CYP26A1: variants seen among roughly 807,000 people sequenced by gnomAD.
CYP26A1 encodes the protein cytochrome P450 26A1.
In CYP26A1, 46 loss-of-function variants were observed where a neutral mutation model predicts 47.4. That is an observed-to-expected ratio of 0.97 (90% confidence interval 0.77 to 1.24). The LOEUF (loss-of-function observed/expected upper bound fraction) is 1.24, where lower values mean the gene tolerates loss of function less well. CYP26A1 is among the 50% of genes most tolerant of loss of function. CYP26A1 has a pLI of 0.00. For synonymous variants in CYP26A1, 277 were observed against 263.7 expected (o/e 1.05, Z -0.49); for missense variants, 680 against 644.4 (o/e 1.06, Z -0.60).
At position 93,076,638 on chromosome 10, in the gene CYP26A1, G is replaced by A. The variant is rs771199176; in HGVS notation, c.1094G>A (p.Arg365Gln). ...YIGCVIKETL[R>Q]LNPPVPGGFR... ...GGGTGTGTTATTAAGGAGACCCTTC[G>A]ACTGAATCCCCCAGTTCCAGGAGGG... Residue 365 changes from arginine to glutamine, a missense_variant, in exon 6 of 7, where the codon CGA becomes CAA. Coordinates refer to ENST00000224356, the MANE Select transcript of CYP26A1 (RefSeq NM_000783.4). 1.6e-5 allele frequency: 25 copies of A among 1,610,600 alleles called. No homozygotes were observed. Among genetic ancestry groups the A allele is most frequent in the South Asian group, 3.3e-5 (3 of 90,922 alleles).
rs776849925 is a variant in CYP26A1 at position 93,075,979 on chromosome 10, G to A, written c.999+19G>A. The A allele has an allele frequency of 1.0e-4, 164 of 1,605,518 alleles. No homozygotes were observed. Among genetic ancestry groups the A allele is most frequent in the Non-Finnish European group, 1.4e-4 (161 of 1,172,626 alleles). The stretch of plus-strand genomic sequence containing the variant: ...GAGTAAGGTAGGGAGACTGGGTCTG[G>A]GGGTGTCCTTATTAGCTTAGGAAAT... On this transcript the variant is annotated intron_variant, in intron 5 of 6. Coordinates refer to ENST00000224356, the MANE Select transcript of CYP26A1 (RefSeq NM_000783.4).
In CYP26A1 at chr10:93,075,077, C is replaced by G; in HGVS notation, c.705+8C>G. Reference sequence around the variant, plus strand: ...TTCAGCGGGCTGTACCGGGTAAGGGCGGCAAACGGGCTGCGGACTAGGGGC... The same window carrying G: ...TTCAGCGGGCTGTACCGGGTAAGGGGGGCAAACGGGCTGCGGACTAGGGGC... On this transcript the variant is annotated splice_region_variant and intron_variant, in intron 3 of 6. Coordinates refer to ENST00000224356, the MANE Select transcript of CYP26A1 (RefSeq NM_000783.4). The G allele has an allele frequency of 1.2e-6, 2 of 1,611,250 alleles. No individual in the cohort carries two copies. Among genetic ancestry groups the G allele is most frequent in the Non-Finnish European group, 1.7e-6 (2 of 1,178,658 alleles).
At chr10:93,076,025 T>C in intron 5 of CYP26A1, 65 bp downstream of exon 5, 1 of 1,325,116 alleles carries the variant, frequency 7.5e-7, no homozygotes, top group Non-Finnish European at 1.1e-6. Context: ...CCTAGCCAAC[T>C]TCCGAATAAG....
rs1347064975 is a variant in CYP26A1 at position 93,077,601 on chromosome 10, T to C, written c.*297T>C. ...AATGCCTACCTGGACTTATTTGTCATCTTTGCATCTGTTTTCTGTGAGAAG... is the reference window on the plus strand; with the variant it reads ...AATGCCTACCTGGACTTATTTGTCACCTTTGCATCTGTTTTCTGTGAGAAG... On this transcript the variant is annotated 3_prime_UTR_variant, in exon 7 of 7. Transcript: ENST00000224356. 1.0e-5 allele frequency: 2 copies of C among 192,214 alleles called. No individual in the cohort carries two copies. Among genetic ancestry groups the C allele is most frequent in the African/African-American group, 4.6e-5 (2 of 43,124 alleles). 11.9% of individuals were successfully genotyped at this position (192,214 alleles called of 1,614,324 possible).
intron 4 of CYP26A1, 192 bp downstream of exon 4, chr10:93,075,499 G>C: frequency 1.6e-6 from 1 of 622,058 alleles, no homozygotes. Context: ...GGGCTGCGGC[G>C]GAACTGGGAG....
Position 93,074,578 on chromosome 10 carries a change from A to G in CYP26A1, c.414+46A>G. On this transcript the variant is annotated intron_variant, in intron 2 of 6. Coordinates refer to ENST00000224356, the MANE Select transcript of CYP26A1 (RefSeq NM_000783.4). The surrounding 1 kb of genome is among the most constrained non-coding windows in gnomAD (Gnocchi z 5.3). ...CTGGACAGGGAGGGGGACCCCATTT[A>G]TGAGCGGAATTCCGGCTGATGGATG... 7.8e-7 allele frequency: 1 copy of G among 1,281,280 alleles called. No homozygotes were observed. The highest frequency in any genetic ancestry group is 1.1e-6 in the Non-Finnish European group (1 of 878,376). The allele number at this position is 1,281,280 out of a possible 1,614,324, so 79.4% of individuals were successfully genotyped here. A position where few individuals can be genotyped will look rare whatever the true frequency, so the allele number is the denominator to read the frequency against.
chr10:93,074,361 G>A lies in CYP26A1; in HGVS notation c.243G>A (p.Thr81=). The change falls in exon 2 of 7, where the codon ACG becomes ACA. Residue 81 remains threonine, a synonymous_variant. Coordinates refer to ENST00000224356, the MANE Select transcript of CYP26A1 (RefSeq NM_000783.4). This position sits in a 1 kb window ranked among gnomAD's most constrained non-coding sequence, Gnocchi z 5.3. ...KRRKYGFIYK[T]HLFGRPTVRV... is the part of the protein sequence containing the mutation. ...GGAAATACGGCTTCATCTACAAGAC[G>A]CATCTGTTCGGGCGGCCCACCGTAC... The A allele has an allele frequency of 6.2e-7, 1 of 1,611,790 alleles. No individual in the cohort carries two copies. Among genetic ancestry groups the A allele is most frequent in the Non-Finnish European group, 8.5e-7 (1 of 1,178,674 alleles).
intron 4 of CYP26A1, 59 bp downstream of exon 4, chr10:93,075,366 T>A: frequency 6.5e-7 from 1 of 1,545,770 alleles, no homozygotes; most frequent in Non-Finnish European, 8.8e-7. Context: ...TTCCAAGCGC[T>A]GTTCCTGGGG....
chr10:93,075,340 GT>G (rs753027538), intron 4 of CYP26A1, 33 bp downstream of exon 4: 1 of 1,599,188 alleles, frequency 6.3e-7, no homozygotes, highest in South Asian at 1.1e-5. Flanking sequence ...GCACTGCGGA[GT>G]TTGGTCCCCT....
At chr10:93,075,378 C>G (rs1846965340) in intron 4 of CYP26A1, 71 bp downstream of exon 4, 3 of 1,459,704 alleles carry the variant, frequency 2.1e-6, no homozygotes, top group Admixed American at 3.8e-5. Flanking sequence ...TTCCTGGGGC[C>G]CCCAAAGCGC....
intron 4 of CYP26A1, 92 bp downstream of exon 4, chr10:93,075,399 C>T: frequency 1.6e-6 from 2 of 1,248,126 alleles, no homozygotes; most frequent in African/African-American, 1.5e-5. Flanking sequence ...GCGCCTGGGG[C>T]CCAGCTTTCT....
chr10:93,077,063 G>T lies in CYP26A1; in HGVS notation c.1253G>T (p.Arg418Leu). 3.1e-6 allele frequency: 5 copies of T among 1,613,480 alleles called. No individual in the cohort carries two copies. Among genetic ancestry groups the T allele is most frequent in the Non-Finnish European group, 4.2e-6 (5 of 1,179,384 alleles). ...FTNKEEFNPD[R>L]FMLPHPEDAS... The stretch of plus-strand genomic sequence containing the variant: ...AACAAGGAAGAATTTAATCCTGACC[G>T]ATTCATGCTGCCTCACCCAGAGGAT... The change falls in exon 7 of 7, where the codon CGA (arginine) becomes CTA (leucine). Residue 418 changes from arginine (R) to leucine (L), a missense_variant. Transcript: ENST00000224356.
chr10:93,073,663 C>T, upstream of CYP26A1: 1 of 503,270 alleles, frequency 2.0e-6, no homozygotes, highest in Non-Finnish European at 3.5e-6. Context: ...GCGGGCAGCT[C>T]CTAGCCCCGC....
chr10:93,075,700 A>G (rs925310873), intron 4 of CYP26A1, 126 bp from the exon 5 acceptor site: 1 of 714,740 alleles, frequency 1.4e-6, no homozygotes. Flanking sequence ...GCTTTCCTTG[A>G]CTTTCTGTCA....
Position 93,075,010 on chromosome 10 carries a change from G to A in CYP26A1, c.646G>A (p.Glu216Lys), listed in dbSNP as rs1846956080. ...GCAGCAGCTTGTGGAGGCCTTCGAGGAAATGACCCGCAATCTCTTCTCGCT... is the reference window on the plus strand; with the variant it reads ...GCAGCAGCTTGTGGAGGCCTTCGAGAAAATGACCCGCAATCTCTTCTCGCT... ...SEQQLVEAFE[E>K]MTRNLFSLPI... The change falls in exon 3 of 7, where the codon GAA (glutamate) becomes AAA (lysine). Residue 216 changes from glutamate to lysine, a missense_variant. Physicochemically the swap from Glu to Lys is moderately conservative, Grantham distance 56. Transcript: ENST00000224356. The A allele has an allele frequency of 6.2e-7, 1 of 1,613,092 alleles. No individual in the cohort carries two copies. The highest frequency in any genetic ancestry group is 1.3e-5 in the African/African-American group (1 of 75,062).
Position 93,075,100 on chromosome 10 carries a change from G to C in CYP26A1, c.705+31G>C, listed in dbSNP as rs752239501. 8 of 1,611,050 alleles carry C rather than the reference G, an allele frequency of 5.0e-6. No individual in the cohort carries two copies. The African/African-American group carries it at 6.7e-5, about 13-fold the overall frequency. On this transcript the variant is annotated intron_variant, in intron 3 of 6. Coordinates refer to ENST00000224356, the MANE Select transcript of CYP26A1 (RefSeq NM_000783.4). ...GGCGGCAAACGGGCTGCGGACTAGG[G>C]GCGCGGGACCTGGGCGTCTGCTCAC...
Position 93,075,288 on chromosome 10 carries a change from G to A in CYP26A1, c.845G>A (p.Gly282Glu), listed in dbSNP as rs768616315. 1.2e-6 allele frequency: 2 copies of A among 1,613,904 alleles called. No individual in the cohort carries two copies. Among genetic ancestry groups the A allele is most frequent in the Non-Finnish European group, 1.7e-6 (2 of 1,179,930 alleles). ...TTGATCGAGCACTCGTGGGAGAGGGGAGAGCGGCTGGACATGCAGGTGAGT... is the reference window on the plus strand; with the variant it reads ...TTGATCGAGCACTCGTGGGAGAGGGAAGAGCGGCTGGACATGCAGGTGAGT... ...QLLIEHSWERGERLDMQALKQ... is the reference protein window; with the variant it reads ...QLLIEHSWEREERLDMQALKQ... Residue 282 changes from glycine to glutamate, a missense_variant, in exon 4 of 7, where the codon GGA (glycine) becomes GAA (glutamate). Coordinates refer to ENST00000224356, the MANE Select transcript of CYP26A1 (RefSeq NM_000783.4).
rs750496990 is a variant in CYP26A1 at position 93,074,505 on chromosome 10, C to A, written c.387C>A (p.His129Gln). Residue 129 changes from histidine (H) to glutamine (Q), a missense_variant, in exon 2 of 7, where the codon CAC becomes CAA. Physicochemically the swap from His to Gln is conservative, Grantham distance 24. Coordinates refer to ENST00000224356, the MANE Select transcript of CYP26A1 (RefSeq NM_000783.4). The surrounding 1 kb of genome is among the most constrained non-coding windows in gnomAD (Gnocchi z 5.3). ...ILGSGCLSNL[H>Q]DSSHKQRKKV... ...GATCTGGCTGCCTCTCTAACCTGCACGACTCCTCGCACAAGCAGCGCAAGA... is the reference window on the plus strand; with the variant it reads ...GATCTGGCTGCCTCTCTAACCTGCAAGACTCCTCGCACAAGCAGCGCAAGA... The A allele has an allele frequency of 6.2e-7, 1 of 1,607,452 alleles. No individual in the cohort carries two copies. Among genetic ancestry groups the A allele is most frequent in the Admixed American group, 1.7e-5 (1 of 60,024 alleles).
chr10:93,075,774 C>T, intron 4 of CYP26A1, 52 bp from the exon 5 acceptor site: 1 of 1,462,772 alleles, frequency 6.8e-7, no homozygotes, highest in Non-Finnish European at 9.6e-7. Context: ...AGTAATCCTT[C>T]TGTCAAACCG....
Sources: gnomAD v4.1 joint callset for allele counts on GRCh38, gnomAD v4.1.1 for gene constraint, Gnocchi (gnomAD v3.1) non-coding constraint, MANE v1.5 for transcripts, NCBI Gene and HGNC (gene_info 2026-07-23, HGNC 2026-07-21) for gene names.